Variants in RNF139 observed in about 807,000 individuals in gnomAD.
The protein encoded by RNF139 is E3 ubiquitin-protein ligase RNF139.
In RNF139, 15 loss-of-function variants were observed where a neutral mutation model predicts 49.5. That is an observed-to-expected ratio of 0.30 (90% confidence interval 0.20 to 0.47). The LOEUF is 0.47. Ranked by LOEUF, RNF139 falls within the 20% of genes least tolerant of loss-of-function variation. The pLI, the probability that RNF139 is intolerant of heterozygous loss-of-function variation, is 1.00. For synonymous variants in RNF139, 325 were observed against 300.9 expected, an observed-to-expected ratio of 1.08 and a Z score of -0.83; for missense variants, 619 against 806.3, an observed-to-expected ratio of 0.77 and a Z score of 2.81.
chr8:124,486,771 A>G lies in RNF139; in HGVS notation c.1122A>G (p.Val374=). 1.2e-6 allele frequency: 2 copies of G among 1,614,012 alleles called. No individual in the cohort carries two copies. The highest frequency in any genetic ancestry group is 1.1e-5 in the South Asian group (1 of 91,084). The change falls in exon 2 of 2, where the codon GTA becomes GTG. Residue 374 remains valine, a synonymous_variant. Coordinates refer to ENST00000303545, the MANE Select transcript of RNF139 (RefSeq NM_007218.4). Reference sequence around the variant, plus strand: ...TTATCCATGGAATGACAGACCCTGTATTAATGTCTCTCAGTGCCTCTCATG... The same window carrying G: ...TTATCCATGGAATGACAGACCCTGTGTTAATGTCTCTCAGTGCCTCTCATG... ...LHFIHGMTDP[V]LMSLSASHVS...
intron 1 of RNF139, 101 bp downstream of exon 1, chr8:124,475,391 C>A: frequency 8.5e-7 from 1 of 1,180,054 alleles, no homozygotes; most frequent in Non-Finnish European, 1.2e-6. Flanking sequence ...GAGTATGTGT[C>A]TTTGGGAACT....
At chr8:124,477,435 A>G (rs1300411224) in intron 1 of RNF139, among the ~76,000 whole-genome samples, 1 of 152,196 alleles carries the variant, frequency 6.6e-6, no homozygotes, top group Non-Finnish European at 1.5e-5. Flanking sequence ...TCTCAGTACT[A>G]CTGTGTATAA....
chr8:124,482,941 A>ATATAT (rs1563630948), intron 1 of RNF139, among the ~76,000 whole-genome samples: 2 of 102,312 alleles, frequency 2.0e-5, no homozygotes, highest in Non-Finnish European at 3.9e-5. Flanking sequence ...AATATAAAAA[A>ATATAT]AAATATATAT....
In RNF139 at chr8:124,485,886, T is replaced by C; in HGVS notation, c.237T>C (p.Phe79=). 6.2e-7 allele frequency: 1 copy of C among 1,614,018 alleles called. No individual in the cohort carries two copies. Among genetic ancestry groups the C allele is most frequent in the Non-Finnish European group, 8.5e-7 (1 of 1,179,852 alleles). Residue 79 remains phenylalanine (F), a synonymous_variant, in exon 2 of 2, where the codon TTT becomes TTC. Transcript: ENST00000303545. ...TGTCACAACGATCACTTTTCAAGTT[T>C]TACACGTACAGCTCAGCCTTTCTGT... ...LILSQRSLFK[F]YTYSSAFLLA... is the part of the protein sequence containing the mutation.
At chr8:124,483,386 C>T (rs1199033398) in intron 1 of RNF139, 2 of 151,142 alleles carry the variant, frequency 1.3e-5, no homozygotes, top group African/African-American at 2.4e-5. Context: ...TATGCAATGT[C>T]TTGATTACCT....
At position 124,487,456 on chromosome 8, in the gene RNF139, A is replaced by G. The variant is rs1335418626; in HGVS notation, c.1807A>G (p.Asn603Asp). The G allele has an allele frequency of 6.2e-7, 1 of 1,614,108 alleles. No individual in the cohort carries two copies. ...DDIKDNSNVS[N>D]NNGFIPPNET... ...TATCAAGGATAATTCAAATGTATCTAACAACAATGGATTTATTCCACCCAA... is the reference window on the plus strand; with the variant it reads ...TATCAAGGATAATTCAAATGTATCTGACAACAATGGATTTATTCCACCCAA... Residue 603 changes from asparagine (N) to aspartate (D), a missense_variant, in exon 2 of 2, where the codon AAC becomes GAC. This residue lies in a region of RNF139 where 530 missense variants were observed against 728.9 expected (regional missense o/e 0.73). Coordinates refer to ENST00000303545, the MANE Select transcript of RNF139 (RefSeq NM_007218.4).
rs770075421 is a variant in RNF139 at position 124,475,193 on chromosome 8, G to T, written c.84G>T (p.Val28=). The change falls in exon 1 of 2, where the codon GTG becomes GTT. Residue 28 remains valine, a synonymous_variant. Coordinates refer to ENST00000303545, the MANE Select transcript of RNF139 (RefSeq NM_007218.4). ...VWAALEVALR[V]PCLYIIDAIF... is the part of the protein sequence containing the mutation. ...CGGCGCTCGAAGTGGCGCTCCGGGT[G>T]CCCTGCCTTTACATCATCGACGCCA... 2 of 1,614,024 alleles carry T rather than the reference G, an allele frequency of 1.2e-6. No individual in the cohort carries two copies. The highest frequency in any genetic ancestry group is 2.2e-5 in the South Asian group (2 of 91,080).
At chr8:124,479,329 CA>C (rs1816367433) in intron 1 of RNF139, among the ~76,000 whole-genome samples, 1 of 152,172 alleles carries the variant, frequency 6.6e-6, no homozygotes, top group East Asian at 1.9e-4. Flanking sequence ...CTGGAAATAA[CA>C]AAGCAACAAA....
rs745374770 is a variant in RNF139, at chr8:124,475,308, CG to C, written c.181+19del. On this transcript the variant is annotated intron_variant, in intron 1 of 1. Transcript: ENST00000303545. ...GCTCTTTGGTAAGGGAACAGGGTAC[CG>C]TACGTCCCGGGACGGCTATGCGGGC... is the stretch of plus-strand genomic sequence containing the variant. The C allele has an allele frequency of 2.4e-5, 39 of 1,597,788 alleles. No individual in the cohort carries two copies. The highest frequency in any genetic ancestry group is 3.1e-5 in the Non-Finnish European group (36 of 1,171,588).
At chr8:124,485,400 G>A (rs1240815922) in intron 1 of RNF139, among the ~76,000 whole-genome samples, 1 of 151,924 alleles carries the variant, frequency 6.6e-6, no homozygotes, top group Non-Finnish European at 1.5e-5. Context: ...AAACTTAATA[G>A]GAATAAATGT....
At chr8:124,485,788 T>TA in intron 1 of RNF139, 43 bp from the exon 2 acceptor site, 1 of 1,477,908 alleles carries the variant, frequency 6.8e-7, no homozygotes, top group African/African-American at 1.4e-5. Flanking sequence ...GAAACATTCT[T>TA]ACAAATACTT....
chr8:124,482,054 C>T (rs1586523272), intron 1 of RNF139, among the ~76,000 whole-genome samples: 1 of 152,072 alleles, frequency 6.6e-6, no homozygotes, highest in African/African-American at 2.4e-5. Flanking sequence ...GAAATGTTAA[C>T]TCACTATTAC....
chr8:124,487,690 G>T lies in RNF139; in HGVS notation c.*46G>T. ...GATTGAGGTATTTGTTTAAAATTCA[G>T]TTCATCCAAAATGGAGTAATATCCT... On this transcript the variant is annotated 3_prime_UTR_variant, in exon 2 of 2. Transcript: ENST00000303545. 6.5e-7 allele frequency: 1 copy of T among 1,534,052 alleles called. No individual in the cohort carries two copies. The highest frequency in any genetic ancestry group is 8.8e-7 in the Non-Finnish European group (1 of 1,142,822).
intron 1 of RNF139, among the ~76,000 whole-genome samples, chr8:124,483,677 G>A (rs1329967515): frequency 1.3e-5 from 2 of 151,944 alleles, no homozygotes; most frequent in South Asian, 2.1e-4. Flanking sequence ...TGATCCACCC[G>A]CCTCAGCCTC....
chr8:124,478,830 C>T (rs1426521061), intron 1 of RNF139, among the ~76,000 whole-genome samples: 2 of 150,932 alleles, frequency 1.3e-5, no homozygotes, highest in South Asian at 2.1e-4. Flanking sequence ...GGCGATTCTC[C>T]GGCCTCAGCC....
chr8:124,479,263 A>G (rs1444216994), intron 1 of RNF139, among the ~76,000 whole-genome samples: 1 of 152,180 alleles, frequency 6.6e-6, no homozygotes, highest in Non-Finnish European at 1.5e-5. Context: ...CACAATTTCA[A>G]TTCTAGGGAA....
In RNF139 at chr8:124,485,891, C is replaced by T. The variant is rs775509858; in HGVS notation, c.242C>T (p.Thr81Met). ...CAACGATCACTTTTCAAGTTTTACACGTACAGCTCAGCCTTTCTGTTAGCT... is the reference window on the plus strand; with the variant it reads ...CAACGATCACTTTTCAAGTTTTACATGTACAGCTCAGCCTTTCTGTTAGCT... ...LSQRSLFKFYTYSSAFLLAAT... is the reference protein window; with the variant it reads ...LSQRSLFKFYMYSSAFLLAAT... The change falls in exon 2 of 2, where the codon ACG (threonine) becomes ATG (methionine). Residue 81 changes from threonine to methionine, a missense_variant. By Grantham distance (81) the Thr-to-Met change is moderately conservative. Around this residue, in one of 2 missense-constraint regions of RNF139, gnomAD observed 530 missense variants for 728.9 expected, o/e 0.73. Transcript: ENST00000303545. 1.1e-5 allele frequency: 17 copies of T among 1,613,596 alleles called. No homozygotes were observed. The highest frequency in any genetic ancestry group is 2.7e-5 in the African/African-American group (2 of 74,898).
chr8:124,475,877 T>C lies in RNF139; in HGVS notation c.181+587T>C, dbSNP rs571992163. Among the ~76,000 whole-genome samples, 4 of 152,334 alleles carry C rather than the reference T, an allele frequency of 2.6e-5. No individual in the cohort carries two copies. In the South Asian group the frequency reaches 8.3e-4, roughly 32 times the overall value. ...ATGCTTAAATCGAGTCCTAAAATTT[T>C]CCATGAATAAACGAGAAGGTATTGA... On this transcript the variant is annotated intron_variant, in intron 1 of 1. Coordinates refer to ENST00000303545, the MANE Select transcript of RNF139 (RefSeq NM_007218.4).
chr8:124,478,711 A>G (rs1816352682), intron 1 of RNF139, among the ~76,000 whole-genome samples: 1 of 151,310 alleles, frequency 6.6e-6, no homozygotes, highest in Non-Finnish European at 1.5e-5. Context: ...AAATTTATAC[A>G]ATTTTGGAAG....
Sources: allele counts gnomAD v4.1 joint callset (sites outside exome capture counted in the v4.1 genomes callset), GRCh38; gene constraint gnomAD v4.1.1; regional missense constraint gnomAD v4.1.1; transcripts MANE v1.5; gene names NCBI Gene and HGNC (gene_info 2026-07-23, HGNC 2026-07-21).